The following BOLL variants were observed in gnomAD, a reference collection of about 807,000 sequenced individuals.
The protein encoded by BOLL is boule RNA binding protein.
In BOLL, 23 loss-of-function variants were observed where a neutral mutation model predicts 44.4. The observed-to-expected ratio is 0.52, with a 90% confidence interval of 0.37 to 0.73. The LOEUF is 0.73. Ranked by LOEUF, BOLL falls within the 30% of genes least tolerant of loss-of-function variation. The pLI is 0.00. For missense variants in BOLL, 287 were observed against 338.3 expected (o/e 0.85, Z 1.19); for synonymous variants, 97 against 110.8 (o/e 0.88, Z 0.78).
At chr2:197,772,305 C>T (rs908765545) in intron 5 of BOLL, among the ~76,000 whole-genome samples, 4 of 152,058 alleles carry the variant, frequency 2.6e-5, no homozygotes, top group Non-Finnish European at 4.4e-5. Context: ...CTATCATCAG[C>T]GAAGTAATTA....
chr2:197,745,561 A>G (rs1687951232), intron 9 of BOLL, among the ~76,000 whole-genome samples: 1 of 152,208 alleles, frequency 6.6e-6, no homozygotes, highest in African/African-American at 2.4e-5. Context: ...TTAATGCCAA[A>G]AGAGATTCTG....
intron 9 of BOLL, among the ~76,000 whole-genome samples, chr2:197,745,874 T>A (rs1687965904): frequency 6.6e-6 from 1 of 152,212 alleles, no homozygotes; most frequent in Non-Finnish European, 1.5e-5. Context: ...AAGTATGTAT[T>A]GGTCAGAGTG....
intron 7 of BOLL, among the ~76,000 whole-genome samples, chr2:197,760,179 G>A (rs186676725): frequency 7.2e-5 from 11 of 152,196 alleles, no homozygotes; most frequent in Admixed American, 5.2e-4. Context: ...TCACAGAAAC[G>A]TTTCCAGGCC....
chr2:197,757,192 C>T (rs1402539046), intron 8 of BOLL, among the ~76,000 whole-genome samples, 161 bp downstream of exon 8: 1 of 151,926 alleles, frequency 6.6e-6, no homozygotes, highest in Admixed American at 6.6e-5. Context: ...ATCATTATAT[C>T]CATTTTACAA....
intron 9 of BOLL, among the ~76,000 whole-genome samples, chr2:197,751,418 A>G (rs1365954698): frequency 1.3e-5 from 2 of 152,314 alleles, no homozygotes; most frequent in East Asian, 3.9e-4. Flanking sequence ...AAAGAAGAAA[A>G]GAGAGAAGAA....
At chr2:197,779,492 T>C (rs1689669668) in intron 2 of BOLL, among the ~76,000 whole-genome samples, 1 of 151,926 alleles carries the variant, frequency 6.6e-6, no homozygotes, top group South Asian at 2.1e-4. Flanking sequence ...CACCAGTCAT[T>C]CTATTTTAAT....
At chr2:197,785,406 G>A (rs1253478605), upstream of BOLL, 24 of 983,502 alleles carry the variant, frequency 2.4e-5, no homozygotes, top group East Asian at 2.6e-3. This position sits in a 1 kb window ranked among gnomAD's most constrained non-coding sequence, Gnocchi z 6.7. Flanking sequence ...CTGCGCCTCG[G>A]GCCTGTGCGG....
At chr2:197,766,224 T>C (rs1688992483) in intron 7 of BOLL, among the ~76,000 whole-genome samples, 1 of 152,158 alleles carries the variant, frequency 6.6e-6, no homozygotes, top group Non-Finnish European at 1.5e-5. Context: ...ATGGTAGTTC[T>C]GCTTTTAGTT....
chr2:197,729,508 G>C (rs1223420243), intron 10 of BOLL, among the ~76,000 whole-genome samples: 1 of 152,154 alleles, frequency 6.6e-6, no homozygotes, highest in Non-Finnish European at 1.5e-5. Context: ...CACCTCTGGG[G>C]GCAGGGCACA....
intron 7 of BOLL, among the ~76,000 whole-genome samples, chr2:197,766,278 T>TTTACAGTGTATAAG (rs1315462592): frequency 2.6e-5 from 4 of 152,160 alleles, no homozygotes; most frequent in African/African-American, 9.7e-5. Context: ...GTTGAACTAA[T>TTTACAGTGTATAAG]TTACACTCCA....
At chr2:197,736,034 T>C (rs1687468849) in intron 10 of BOLL, among the ~76,000 whole-genome samples, 2 of 152,114 alleles carry the variant, frequency 1.3e-5, no homozygotes, top group African/African-American at 4.8e-5. Context: ...GTAGAAAGCA[T>C]GCTTGGATTA....
chr2:197,766,736 A>T, intron 6 of BOLL, 133 bp from the exon 7 acceptor site: 1 of 630,254 alleles, frequency 1.6e-6, no homozygotes, highest in Non-Finnish European at 2.8e-6. Flanking sequence ...TCTACCTCTT[A>T]TTGATATGAT....
intron 8 of BOLL, 76 bp downstream of exon 8, chr2:197,757,277 T>A: frequency 1.5e-6 from 2 of 1,294,190 alleles, no homozygotes; most frequent in Non-Finnish European, 2.2e-6. Flanking sequence ...TCTAAAAAAC[T>A]TTAGTATTCA....
At chr2:197,752,776 C>G (rs1688322457) in intron 9 of BOLL, among the ~76,000 whole-genome samples, 1 of 152,194 alleles carries the variant, frequency 6.6e-6, no homozygotes. Context: ...CTACCATTGA[C>G]TTTCTTCACA....
chr2:197,730,199 AAGAAAGGG>A (rs1176336697), intron 10 of BOLL, among the ~76,000 whole-genome samples: 1 of 135,288 alleles, frequency 7.4e-6, no homozygotes, highest in African/African-American at 3.0e-5. Flanking sequence ...GATCAACTGG[AAGAAAGGG>A]TATCAGCGAT....
chr2:197,754,836 C>A (rs145135047), intron 9 of BOLL, among the ~76,000 whole-genome samples: 2 of 151,920 alleles, frequency 1.3e-5, no homozygotes, highest in African/African-American at 4.8e-5. Flanking sequence ...GACACAGGCA[C>A]GGGCAAAGAC....
At chr2:197,732,166 A>AGG (rs1328530477) in intron 10 of BOLL, among the ~76,000 whole-genome samples, 1 of 152,066 alleles carries the variant, frequency 6.6e-6, no homozygotes, top group Non-Finnish European at 1.5e-5. Context: ...CTACCATCAG[A>AGG]GAATACTACA....
rs561987662 is a variant in BOLL, at chr2:197,760,335, G to A, written c.553-2935C>T. On this transcript the variant is annotated intron_variant, in intron 7 of 10. Transcript: ENST00000392296. ...GCCCCTGACAAACATGTCCCTAGCC[G>A]ACTGAACAGCCATGCAGCTGTATTC... Among the ~76,000 whole-genome samples, 7 of 152,254 alleles carry A rather than the reference G, an allele frequency of 4.6e-5. No homozygotes were observed. In the East Asian group the frequency reaches 7.7e-4, roughly 17 times the overall value.
chr2:197,728,854 C>A (rs577126493), intron 10 of BOLL, among the ~76,000 whole-genome samples: 1 of 152,250 alleles, frequency 6.6e-6, no homozygotes, highest in East Asian at 1.9e-4. Context: ...AGGGATGGGT[C>A]AGCACAGATT....
Sources: allele counts gnomAD v4.1 joint callset (sites outside exome capture counted in the v4.1 genomes callset), GRCh38; gene constraint gnomAD v4.1.1; non-coding constraint Gnocchi (gnomAD v3.1); transcripts MANE v1.5; gene names NCBI Gene and HGNC (gene_info 2026-07-23, HGNC 2026-07-21).